The following HLA-DRB1 variants were observed in gnomAD, a reference collection of about 807,000 sequenced individuals.
HLA-DRB1 encodes the protein major histocompatibility complex, class II, DR beta 1 precursor.
In HLA-DRB1, 10 loss-of-function variants were observed where a neutral mutation model predicts 27.9. That is an observed-to-expected ratio of 0.36 (90% confidence interval 0.22 to 0.61). The LOEUF is 0.61. Among genes scored for constraint, HLA-DRB1 ranks in the 20% least tolerant of loss-of-function variants. HLA-DRB1 has a pLI of 0.73. For synonymous variants in HLA-DRB1, 57 were observed against 126.7 expected, an observed-to-expected ratio of 0.45 and a Z score of 3.69; for missense variants, 118 against 306.3, an observed-to-expected ratio of 0.39 and a Z score of 4.59.
At chr6:32,585,082 T>C (rs74440913) in intron 1 of HLA-DRB1, among the ~76,000 whole-genome samples, 15,570 of 92,114 alleles carry the variant, frequency 0.17, 3,196 homozygotes, top group Non-Finnish European at 0.17. Flanking sequence ...CCCAACTTGC[T>C]AGTCAAACCT....
At chr6:32,589,034 C>T (rs9270232) in intron 1 of HLA-DRB1, among the ~76,000 whole-genome samples, 43,463 of 78,028 alleles carry the variant, frequency 0.56, 15,385 homozygotes, top group Middle Eastern at 0.81. Flanking sequence ...GTTCCAGGGA[C>T]TTTTCCCCAC....
rs41285655 is a variant in HLA-DRB1, at chr6:32,584,394, C to A, written c.101-16G>T. On this transcript the variant is annotated splice_polypyrimidine_tract_variant and intron_variant, in intron 1 of 5. Transcript: ENST00000360004. ...AGGAAACGTGCTGTGGGGACACGAA[C>A]CATCCGGTCACAGGGCGGCCTCCTG... 1.3e-6 allele frequency: 1 copy of A among 742,902 alleles called. No individual in the cohort carries two copies. The highest frequency in any genetic ancestry group is 2.0e-6 in the Non-Finnish European group (1 of 494,174). 46.0% of individuals were successfully genotyped at this position (742,902 alleles called of 1,614,324 possible). A position where few individuals can be genotyped will look rare whatever the true frequency, so the allele number is the denominator to read the frequency against.
At chr6:32,585,599 G>C (rs9270032) in intron 1 of HLA-DRB1, among the ~76,000 whole-genome samples, 1,416 of 121,962 alleles carry the variant, frequency 0.012, 3 homozygotes, top group Middle Eastern at 0.029. Flanking sequence ...AAAGCAATTA[G>C]TATCTTCATC....
intron 4 of HLA-DRB1, among the ~76,000 whole-genome samples, 194 bp downstream of exon 4, chr6:32,580,552 C>T (rs28732267): frequency 0.07 from 7,279 of 103,388 alleles, 434 homozygotes; most frequent in Non-Finnish European, 0.084. Context: ...CTCGTCTCTG[C>T]AGGCCACAAG....
chr6:32,583,691 A>T (rs9269916), intron 2 of HLA-DRB1, among the ~76,000 whole-genome samples: 2,328 of 40,574 alleles, frequency 0.057, 401 homozygotes, highest in East Asian at 0.22. Context: ...ACCCCTCAGC[A>T]GTCCTCCCCT....
chr6:32,580,988 GA>G (rs1480608718), intron 3 of HLA-DRB1, 132 bp from the exon 4 acceptor site: 13,886 of 535,868 alleles, frequency 0.026, 321 homozygotes, highest in Admixed American at 0.033. Context: ...GCCATTTCAG[GA>G]GAAAAAAAGG....
At chr6:32,584,315 A>G in exon 2 of HLA-DRB1, 1 of 1,237,122 alleles carries the variant, frequency 8.1e-7, no homozygotes, top group Non-Finnish European at 1.2e-6. Context: ...TCTGTCCAGG[A>G]ACCGCACCCG....
intron 1 of HLA-DRB1, among the ~76,000 whole-genome samples, chr6:32,587,396 TAAAC>T (rs201029335): frequency 0.12 from 3,795 of 31,144 alleles, 1,613 homozygotes; most frequent in Middle Eastern, 0.39. Flanking sequence ...TAAAATAAAA[TAAAC>T]AAACAAATAA....
At chr6:32,585,722 C>A (rs1776295844) in intron 1 of HLA-DRB1, among the ~76,000 whole-genome samples, 1 of 111,278 alleles carries the variant, frequency 9.0e-6, no homozygotes. Flanking sequence ...ACCTAAACCT[C>A]ACACAAAAAG....
At chr6:32,581,472 G>C (rs9269794) in intron 3 of HLA-DRB1, 85 bp downstream of exon 3, 21,448 of 510,928 alleles carry the variant, frequency 0.042, 639 homozygotes, top group Admixed American at 0.063. Flanking sequence ...AATAGGATGT[G>C]GGAGAGGAGG....
chr6:32,589,848 T>C (rs1353111664), exon 1 of HLA-DRB1: 9 of 459,910 alleles, frequency 2.0e-5, no homozygotes, highest in African/African-American at 1.3e-4. Context: ...AGGAAGTTAC[T>C]GATTTCCTTG....
At chr6:32,581,898 G>T (rs28732334) in intron 2 of HLA-DRB1, 60 bp from the exon 3 acceptor site, 101,979 of 721,670 alleles carry the variant, frequency 0.14, 1,874 homozygotes, top group East Asian at 0.25. Flanking sequence ...CTCCTGGTTT[G>T]GCTGTGTGTC....
intron 2 of HLA-DRB1, among the ~76,000 whole-genome samples, chr6:32,582,497 G>C (rs9269850): frequency 0.025 from 1,717 of 67,686 alleles, 103 homozygotes; most frequent in South Asian, 0.077. Context: ...AGGAAACCAA[G>C]TATGAATTTT....
At chr6:32,581,366 A>C in intron 3 of HLA-DRB1, among the ~76,000 whole-genome samples, 191 bp downstream of exon 3, 1 of 86,290 alleles carries the variant, frequency 1.2e-5, no homozygotes, top group Non-Finnish European at 2.3e-5. Flanking sequence ...GGCAGGCGAG[A>C]CTGCTTCTCC....
intron 2 of HLA-DRB1, among the ~76,000 whole-genome samples, chr6:32,582,155 G>A (rs558734872): frequency 0.012 from 1,452 of 117,582 alleles, 51 homozygotes; most frequent in South Asian, 0.04. Flanking sequence ...AGGTTGCCTG[G>A]TTCGAATCCA....
At chr6:32,585,856 T>A (rs199764768) in intron 1 of HLA-DRB1, among the ~76,000 whole-genome samples, 1,967 of 127,198 alleles carry the variant, frequency 0.015, no homozygotes, top group South Asian at 0.036. Flanking sequence ...ATTCCAGAGA[T>A]GTATATGTTT....
chr6:32,582,737 G>T, intron 2 of HLA-DRB1, among the ~76,000 whole-genome samples: 2 of 73,088 alleles, frequency 2.7e-5, no homozygotes, highest in African/African-American at 6.1e-5. Context: ...ATTATTATTA[G>T]GCCTATCATT....
intron 1 of HLA-DRB1, among the ~76,000 whole-genome samples, chr6:32,587,476 A>C (rs9270142): frequency 0.38 from 17,790 of 47,078 alleles, 6,636 homozygotes; most frequent in Non-Finnish European, 0.42. Flanking sequence ...AGGCTCCTGA[A>C]TTCCTCTCTG....
chr6:32,588,265 G>A (rs1375893341), intron 1 of HLA-DRB1, among the ~76,000 whole-genome samples: 1 of 134,702 alleles, frequency 7.4e-6, no homozygotes, highest in African/African-American at 2.7e-5. Flanking sequence ...AGACCAGCCT[G>A]GGCAACATGG....
Sources: gnomAD v4.1 joint callset for allele counts (sites outside exome capture counted in the v4.1 genomes callset) on GRCh38, gnomAD v4.1.1 for gene constraint, MANE v1.5 for transcripts, NCBI Gene and HGNC (gene_info 2026-07-23, HGNC 2026-07-21) for gene names.